ANKRD12: variants seen among roughly 807,000 people sequenced by gnomAD.
ANKRD12 encodes ankyrin repeat domain 12, also known as ankyrin repeat domain-containing protein 12.
Under a neutral mutation model 183.4 loss-of-function variants are expected in ANKRD12, and 85 were observed. The observed-to-expected ratio is 0.46, with a 90% CI of 0.39 to 0.56. ANKRD12 has a LOEUF of 0.56. Ranked by LOEUF, ANKRD12 falls within the 20% of genes least tolerant of loss-of-function variation. The pLI is 0.00. For synonymous variants in ANKRD12, 914 were observed against 800.2 expected (o/e 1.14, Z -2.40); for missense variants, 2,405 against 2,357.1 (o/e 1.02, Z -0.42).
intron 1 of ANKRD12, chr18:9,137,904 G>T (rs1453403875): frequency 6.6e-6 from 1 of 152,232 alleles, no homozygotes; most frequent in Non-Finnish European, 1.5e-5. Context: ...AGCTGTTTTA[G>T]TAATAACAGT....
At chr18:9,253,822 A>G (rs1231544871) in intron 8 of ANKRD12, among the ~76,000 whole-genome samples, 3 of 152,234 alleles carry the variant, frequency 2.0e-5, no homozygotes, top group African/African-American at 4.8e-5. Context: ...CCAAAAAACT[A>G]CAAATAGAGC....
chr18:9,195,269 C>A (rs1486274078), intron 2 of ANKRD12, among the ~76,000 whole-genome samples: 1 of 152,030 alleles, frequency 6.6e-6, no homozygotes, highest in Non-Finnish European at 1.5e-5. Flanking sequence ...ATCTTTACAC[C>A]AAACCCCAGT....
At chr18:9,211,553 G>A in intron 5 of ANKRD12, 31 bp from the exon 6 acceptor site, 1 of 1,583,490 alleles carries the variant, frequency 6.3e-7, no homozygotes, top group South Asian at 1.1e-5. Flanking sequence ...ATTTAGCCTA[G>A]AACTTCTGCT....
chr18:9,168,897 C>T (rs1465469993), intron 1 of ANKRD12, among the ~76,000 whole-genome samples: 10 of 152,142 alleles, frequency 6.6e-5, no homozygotes, highest in Non-Finnish European at 1.5e-4. Context: ...TTGAATGTGT[C>T]CCAGAGATTC....
chr18:9,279,635 C>T lies in ANKRD12; in HGVS notation c.5994C>T (p.Asp1998=). Residue 1998 remains aspartate (D), a synonymous_variant, in exon 12 of 13, where the codon GAC becomes GAT. Coordinates refer to ENST00000262126, the MANE Select transcript of ANKRD12 (RefSeq NM_015208.5). ...TACAAGATGTGGATGATAAATTTGACAAATTAAAGGTATGTATGTTTGGAA... is the reference window on the plus strand; with the variant it reads ...TACAAGATGTGGATGATAAATTTGATAAATTAAAGGTATGTATGTTTGGAA... The part of the protein sequence containing the change: ...SWLQDVDDKF[D]KLKTCLLMRQ... 2 of 1,572,722 alleles carry T rather than the reference C, an allele frequency of 1.3e-6. No individual in the cohort carries two copies. Among genetic ancestry groups the T allele is most frequent in the South Asian group, 2.3e-5 (2 of 87,416 alleles).
Position 9,221,833 on chromosome 18 carries a change from C to T in ANKRD12, c.796-19C>T. On this transcript the variant is annotated intron_variant, in intron 7 of 12. Transcript: ENST00000262126. ...CAATCTGTGAAGGGACTAAGTCTTC[C>T]TGCTTTTTATTGTTGCAGATAGTAA... The T allele has an allele frequency of 2.5e-6, 4 of 1,612,864 alleles. No homozygotes were observed. The highest frequency in any genetic ancestry group is 3.4e-6 in the Non-Finnish European group (4 of 1,179,320).
chr18:9,185,788 T>A (rs1042463313), intron 2 of ANKRD12, among the ~76,000 whole-genome samples: 1 of 151,890 alleles, frequency 6.6e-6, no homozygotes, highest in Non-Finnish European at 1.5e-5. Context: ...AGAGAATGGC[T>A]AAAGGGAAGA....
chr18:9,251,149 A>G (rs1157687776), intron 8 of ANKRD12, among the ~76,000 whole-genome samples: 3 of 152,220 alleles, frequency 2.0e-5, no homozygotes, highest in Admixed American at 6.5e-5. Context: ...TACTTTGTCA[A>G]ATGTCAACAT....
intron 10 of ANKRD12, among the ~76,000 whole-genome samples, chr18:9,274,503 A>G (rs889533356): frequency 2.6e-5 from 4 of 152,206 alleles, no homozygotes; most frequent in Non-Finnish European, 4.4e-5. Flanking sequence ...TAGGTAATTC[A>G]TAGAGACAAA....
intron 8 of ANKRD12, among the ~76,000 whole-genome samples, chr18:9,233,820 A>G (rs2037190300): frequency 6.6e-6 from 1 of 152,104 alleles, no homozygotes; most frequent in Admixed American, 6.5e-5. Context: ...TGGGCTGAAC[A>G]TGCCTTATTC....
intron 6 of ANKRD12, among the ~76,000 whole-genome samples, chr18:9,214,496 A>T (rs2035983908): frequency 6.7e-6 from 1 of 150,176 alleles, no homozygotes; most frequent in Non-Finnish European, 1.5e-5. Context: ...CCACATAAGC[A>T]GTTCGTCTCT....
intron 8 of ANKRD12, among the ~76,000 whole-genome samples, chr18:9,241,633 A>G (rs897439133): frequency 6.6e-6 from 1 of 152,224 alleles, no homozygotes; most frequent in Non-Finnish European, 1.5e-5. Context: ...CAGAGGGCTG[A>G]GCATACAGCA....
intron 1 of ANKRD12, among the ~76,000 whole-genome samples, chr18:9,139,420 G>T (rs1007945026): frequency 1.3e-5 from 2 of 152,156 alleles, no homozygotes; most frequent in African/African-American, 4.8e-5. Flanking sequence ...CTTCGTTGGA[G>T]AAGAGATTTT....
At chr18:9,234,209 GCT>G (rs1377056466) in intron 8 of ANKRD12, among the ~76,000 whole-genome samples, 1 of 152,180 alleles carries the variant, frequency 6.6e-6, no homozygotes, top group Non-Finnish European at 1.5e-5. Flanking sequence ...TAGACAGGCA[GCT>G]CTCTGTTTCG....
chr18:9,165,092 G>A (rs1324166416), intron 1 of ANKRD12, among the ~76,000 whole-genome samples: 1 of 152,140 alleles, frequency 6.6e-6, no homozygotes, highest in Non-Finnish European at 1.5e-5. Flanking sequence ...TGTATTGGTT[G>A]CATATGTACT....
chr18:9,267,776 C>A (rs942688857), intron 10 of ANKRD12, among the ~76,000 whole-genome samples: 2 of 152,116 alleles, frequency 1.3e-5, no homozygotes, highest in African/African-American at 4.8e-5. Flanking sequence ...AAGATCAGAG[C>A]AGAACTGAAG....
chr18:9,243,369 C>T (rs961380875), intron 8 of ANKRD12, among the ~76,000 whole-genome samples: 7 of 152,200 alleles, frequency 4.6e-5, no homozygotes, highest in Non-Finnish European at 7.3e-5. Context: ...TCAGAGGAGA[C>T]TCTCCACAAA....
At position 9,280,822 on chromosome 18, in the gene ANKRD12, A is replaced by G. The variant is rs1025506019; in HGVS notation, c.6004-119A>G. On this transcript the variant is annotated intron_variant, in intron 12 of 12. Transcript: ENST00000262126. ...AAGAAAGAAATGGACTTGTAATTCAAATGCTTTTTATGCTCCTGATGTGTC... is the reference window on the plus strand; with the variant it reads ...AAGAAAGAAATGGACTTGTAATTCAGATGCTTTTTATGCTCCTGATGTGTC... The G allele has an allele frequency of 8.3e-5, 74 of 891,180 alleles. No individual in the cohort carries two copies. The Middle Eastern group carries it at 1.5e-3, about 18-fold the overall frequency. The allele number at this position is 891,180 out of a possible 1,614,324, so 55.2% of individuals were successfully genotyped here.
rs73390202 is a variant in ANKRD12, at chr18:9,152,086, A to G, written c.-52+15121A>G. Among the ~76,000 whole-genome samples the G allele has an allele frequency of 3.8e-3, 571 of 152,248 alleles. 2 individuals are homozygous for G. Among genetic ancestry groups the G allele is most frequent in the African/African-American group, 0.013 (531 of 41,550 alleles). On this transcript the variant is annotated intron_variant, in intron 1 of 12. Coordinates refer to ENST00000262126, the MANE Select transcript of ANKRD12 (RefSeq NM_015208.5). ...AAACAAAAAGAAAAAAATAATTTGG[A>G]CTTTGCTCTCAGTTGTATTTAATCT...
Sources: allele counts gnomAD v4.1 joint callset (sites outside exome capture counted in the v4.1 genomes callset), GRCh38; gene constraint gnomAD v4.1.1; transcripts MANE v1.5; gene names NCBI Gene and HGNC (gene_info 2026-07-23, HGNC 2026-07-21).